TPO: variants seen among roughly 807,000 people sequenced by gnomAD.
The protein encoded by TPO is thyroid peroxidase, also known as thyroid microsomal antigen.
Under a neutral mutation model 96.9 loss-of-function variants are expected in TPO, and 78 were observed. The observed-to-expected ratio is 0.81, with a 90% CI of 0.67 to 0.97. The LOEUF (loss-of-function observed/expected upper bound fraction) is 0.97. Ranked by LOEUF, TPO falls within the 50% of genes least tolerant of loss-of-function variation. The pLI, the probability that TPO is intolerant of heterozygous loss-of-function variation, is 0.00. For missense variants in TPO, 1,252 were observed against 1,274.8 expected (o/e 0.98, Z 0.27); for synonymous variants, 547 against 538.0 (o/e 1.02, Z -0.23).
chr2:1,504,224 AG>A (rs1459710704), intron 14 of TPO, 145 bp downstream of exon 14: 9 of 1,455,536 alleles, frequency 6.2e-6, no homozygotes, highest in African/African-American at 1.4e-5. Flanking sequence ...ACGGTGCCCG[AG>A]GGGCGTCTGC....
chr2:1,522,100 C>A (rs1325503821), intron 15 of TPO, among the ~76,000 whole-genome samples: 6 of 150,650 alleles, frequency 4.0e-5, no homozygotes, highest in Non-Finnish European at 5.9e-5. Context: ...GCCACCGTGC[C>A]CTGGCAGTCT....
chr2:1,380,493 A>T (rs1275233563), intron 1 of TPO, among the ~76,000 whole-genome samples: 1 of 152,172 alleles, frequency 6.6e-6, no homozygotes, highest in Non-Finnish European at 1.5e-5. Context: ...TATTCTAAAA[A>T]AAAATTCTAT....
intron 7 of TPO, among the ~76,000 whole-genome samples, chr2:1,466,329 A>G (rs1210487182): frequency 6.6e-6 from 1 of 152,150 alleles, no homozygotes; most frequent in Non-Finnish European, 1.5e-5. Context: ...TATGTTCATC[A>G]GGGTTATTGG....
At chr2:1,537,462 CAACCTCCT>C (rs1453338635) in intron 15 of TPO, among the ~76,000 whole-genome samples, 8 of 146,890 alleles carry the variant, frequency 5.4e-5, no homozygotes, top group East Asian at 2.1e-4. Context: ...CCACTGTGTG[CAACCTCCT>C]CAAATTCTTC....
intron 15 of TPO, among the ~76,000 whole-genome samples, chr2:1,526,192 C>CA (rs2125152152): frequency 8.4e-6 from 1 of 119,606 alleles, no homozygotes; most frequent in Non-Finnish European, 1.7e-5. Flanking sequence ...CCTCAAATCC[C>CA]CCCACTGTGT....
At chr2:1,534,489 A>AAAC (rs1558432973) in intron 15 of TPO, among the ~76,000 whole-genome samples, 4 of 79,648 alleles carry the variant, frequency 5.0e-5, no homozygotes, top group Non-Finnish European at 7.8e-5. Flanking sequence ...AACTCCCCAA[A>AAAC]CCCCCCACGC....
chr2:1,489,932 G>T (rs574062242), intron 10 of TPO, among the ~76,000 whole-genome samples: 1 of 147,484 alleles, frequency 6.8e-6, no homozygotes, highest in Non-Finnish European at 1.5e-5. Flanking sequence ...GAGCACACAG[G>T]AGGAGTCACG....
intron 1 of TPO, among the ~76,000 whole-genome samples, chr2:1,374,951 G>A (rs754863485): frequency 3.8e-4 from 57 of 151,746 alleles, no homozygotes; most frequent in Admixed American, 3.1e-3. Context: ...GGATGGTCTC[G>A]ATCTCCTGAA....
At chr2:1,524,362 T>TGTG in intron 15 of TPO, among the ~76,000 whole-genome samples, 1 of 83,860 alleles carries the variant, frequency 1.2e-5, no homozygotes, top group Non-Finnish European at 2.3e-5. Flanking sequence ...ATCCCTCCAC[T>TGTG]CTGTTCAACC....
In TPO at chr2:1,542,928, G is replaced by A. The variant is rs529659120; in HGVS notation, c.*454G>A. On this transcript the variant is annotated 3_prime_UTR_variant, in exon 17 of 17. Coordinates refer to ENST00000329066, the MANE Select transcript of TPO (RefSeq NM_001206744.2). ...CTCTTCTCCTGGGAAGAGCACTCCT[G>A]GCTTCCTGCAGGGCCGGTGGGAGGA... 5 of 259,876 alleles carry A rather than the reference G, an allele frequency of 1.9e-5. No individual in the cohort carries two copies. The East Asian group carries it at 5.1e-4, about 27-fold the overall frequency. The allele number at this position is 259,876 out of a possible 1,614,324, so 16.1% of individuals were successfully genotyped here.
At chr2:1,428,219 C>T (rs1664626645) in intron 3 of TPO, among the ~76,000 whole-genome samples, 1 of 152,212 alleles carries the variant, frequency 6.6e-6, no homozygotes, top group Non-Finnish European at 1.5e-5. Context: ...CAGCCCTGGG[C>T]TGGGCTGCAA....
Position 1,542,428 on chromosome 2 carries a change from CT to C in TPO, c.2757del (p.Met921TrpfsTer53), listed in dbSNP as rs772900610. 2 of 1,614,166 alleles carry C rather than the reference CT, an allele frequency of 1.2e-6. No individual in the cohort carries two copies. The highest frequency in any genetic ancestry group is 4.5e-5 in the East Asian group (2 of 44,876). Reference protein sequence around the residue: ...AAAQDSEQESAGMEGRDTHRL... With the variant: ...AAAQDSEQESXGMEGRDTHRL... ...TGTTCTGCATTTTTGCAGGAGAGTG[CT>C]GGGATGGAAGGCCGGGATACTCACA... On this transcript the variant is annotated frameshift_variant, in exon 17 of 17. Transcript: ENST00000329066. LOFTEE classifies it low-confidence loss of function (END_TRUNC).
At chr2:1,535,751 CACTCTGTGCAACCTCCCGAAATCCCCCCA>C (rs1448627200) in intron 15 of TPO, among the ~76,000 whole-genome samples, 10 of 99,142 alleles carry the variant, frequency 1.0e-4, no homozygotes, top group African/African-American at 2.1e-4. Flanking sequence ...CAAATCCCCC[CACTCTGTGCAACCTCCCGAAATCCCCCCA>C]ACTCTGTGCA....
intron 1 of TPO, among the ~76,000 whole-genome samples, chr2:1,382,776 G>C (rs62105580): frequency 1.4e-4 from 21 of 151,956 alleles, no homozygotes; most frequent in Non-Finnish European, 2.6e-4. Flanking sequence ...TGTGCACAAC[G>C]TGCAGGTTTG....
At chr2:1,409,984 G>T (rs970786884), upstream of TPO, among the ~76,000 whole-genome samples, 3 of 151,190 alleles carry the variant, frequency 2.0e-5, no homozygotes, top group Non-Finnish European at 4.4e-5. Flanking sequence ...TGGTGCCATG[G>T]GGGGGACAGG....
At chr2:1,387,152 C>G (rs559329810) in intron 1 of TPO, among the ~76,000 whole-genome samples, 1 of 152,244 alleles carries the variant, frequency 6.6e-6, no homozygotes, top group Admixed American at 6.5e-5. Flanking sequence ...ACATTTTTTC[C>G]TTCATTTCAA....
At chr2:1,489,263 C>T (rs983975074) in intron 10 of TPO, among the ~76,000 whole-genome samples, 5 of 148,822 alleles carry the variant, frequency 3.4e-5, no homozygotes, top group African/African-American at 1.2e-4. Context: ...ACCCAGCACA[C>T]ACCCACACAT....
At chr2:1,517,355 T>A (rs1674816987) in intron 15 of TPO, among the ~76,000 whole-genome samples, 1 of 152,226 alleles carries the variant, frequency 6.6e-6, no homozygotes, top group South Asian at 2.1e-4. Flanking sequence ...AGTTTTATTC[T>A]TCAGTTTTAT....
At chr2:1,414,309 C>A in intron 1 of TPO, 99 bp from the exon 2 acceptor site, 1 of 1,154,820 alleles carries the variant, frequency 8.7e-7, no homozygotes, top group South Asian at 1.3e-5. Flanking sequence ...TGCGTGGAGT[C>A]AGTGGAGGGA....
Sources: gnomAD v4.1 joint callset for allele counts (sites outside exome capture counted in the v4.1 genomes callset) on GRCh38, gnomAD v4.1.1 for gene constraint, MANE v1.5 for transcripts, NCBI Gene and HGNC (gene_info 2026-07-23, HGNC 2026-07-21) for gene names.